Variants in POFUT3 observed in about 807,000 individuals in gnomAD.
The protein encoded by POFUT3 is protein O-fucosyltransferase 3.
the POFUT3 span, among the ~76,000 whole-genome samples, chr8:33,459,887 C>T: frequency 6.6e-6 from 1 of 152,092 alleles, no homozygotes; most frequent in African/African-American, 2.4e-5. Flanking sequence ...GGTGAAACCC[C>T]GTCTCCACAA....
chr8:33,358,596 A>G, the POFUT3 span, among the ~76,000 whole-genome samples: 1 of 152,192 alleles, frequency 6.6e-6, no homozygotes, highest in Non-Finnish European at 1.5e-5. Flanking sequence ...TTGCCCTCCA[A>G]AATTCATGTT....
chr8:33,420,537 A>G, the POFUT3 span, among the ~76,000 whole-genome samples: 4 of 152,228 alleles, frequency 2.6e-5, no homozygotes, highest in Non-Finnish European at 5.9e-5. Flanking sequence ...GCCAAAATGA[A>G]AAGTTTCAAT....
At chr8:33,331,022 T>C in the POFUT3 span, among the ~76,000 whole-genome samples, 1 of 152,072 alleles carries the variant, frequency 6.6e-6, no homozygotes, top group East Asian at 1.9e-4. Flanking sequence ...ATAACAAATA[T>C]TTATTCAATT....
At chr8:33,318,910 TATTTATATAATA>T in the POFUT3 span, among the ~76,000 whole-genome samples, 5 of 47,668 alleles carry the variant, frequency 1.0e-4, 1 homozygote, top group Admixed American at 3.6e-4. Flanking sequence ...ATTTTACATA[TATTTATATAATA>T]CATAAATATA....
chr8:33,312,337 T>A, the POFUT3 span, among the ~76,000 whole-genome samples: 1 of 151,306 alleles, frequency 6.6e-6, no homozygotes, highest in Non-Finnish European at 1.5e-5. Context: ...TGCCATGTGA[T>A]GACAGAGGCA....
the POFUT3 span, among the ~76,000 whole-genome samples, chr8:33,471,971 T>G: frequency 6.6e-6 from 1 of 152,176 alleles, no homozygotes; most frequent in Non-Finnish European, 1.5e-5. Flanking sequence ...GCAGTGAAAC[T>G]TCAGCGTTCA....
chr8:33,408,141 T>C, the POFUT3 span, among the ~76,000 whole-genome samples: 2 of 136,006 alleles, frequency 1.5e-5, no homozygotes, highest in African/African-American at 2.7e-5. Flanking sequence ...CTGGGCAATA[T>C]AGCAAGACTC....
At chr8:33,465,771 C>T in the POFUT3 span, among the ~76,000 whole-genome samples, 31 of 152,192 alleles carry the variant, frequency 2.0e-4, no homozygotes, top group East Asian at 5.6e-3. Context: ...CCACTGCACC[C>T]GGCCACAGGA....
the POFUT3 span, among the ~76,000 whole-genome samples, chr8:33,347,602 T>C: frequency 6.6e-6 from 1 of 152,238 alleles, no homozygotes; most frequent in Admixed American, 6.5e-5. Context: ...AACCATGAAC[T>C]GGCAATAGAA....
chr8:33,326,177 T>A, the POFUT3 span, among the ~76,000 whole-genome samples: 2 of 152,118 alleles, frequency 1.3e-5, no homozygotes, highest in Non-Finnish European at 2.9e-5. Context: ...CTCCAGAGGG[T>A]CTTTCATCCT....
the POFUT3 span, among the ~76,000 whole-genome samples, chr8:33,400,563 G>T: frequency 6.6e-6 from 1 of 152,032 alleles, no homozygotes; most frequent in African/African-American, 2.4e-5. Flanking sequence ...GGGAGGGAAA[G>T]TATATCCAAT....
chr8:33,450,711 C>A, the POFUT3 span, among the ~76,000 whole-genome samples: 1 of 152,130 alleles, frequency 6.6e-6, no homozygotes. Context: ...TAGTTTTGGG[C>A]ACTGGAGAGT....
chr8:33,355,978 A>G, the POFUT3 span, among the ~76,000 whole-genome samples: 2 of 152,288 alleles, frequency 1.3e-5, no homozygotes, highest in Middle Eastern at 3.4e-3. Flanking sequence ...AATTTCATCC[A>G]TGTCCCTATA....
chr8:33,395,347 G>A, the POFUT3 span, among the ~76,000 whole-genome samples: 1 of 152,122 alleles, frequency 6.6e-6, no homozygotes, highest in African/African-American at 2.4e-5. Context: ...CAGAAGAGAA[G>A]GAGCATCTGA....
the POFUT3 span, chr8:33,460,651 C>A: frequency 3.6e-6 from 3 of 837,752 alleles, no homozygotes; most frequent in South Asian, 5.5e-5. Context: ...CCCAGGAAGA[C>A]AGACTGAGCT....
the POFUT3 span, among the ~76,000 whole-genome samples, chr8:33,382,219 G>A: frequency 1.3e-5 from 2 of 150,044 alleles, no homozygotes; most frequent in African/African-American, 4.9e-5. Context: ...TCAAGCCTCG[G>A]AGCTGGAGGT....
At chr8:33,429,653 A>C in the POFUT3 span, among the ~76,000 whole-genome samples, 1 of 151,366 alleles carries the variant, frequency 6.6e-6, no homozygotes, top group African/African-American at 2.4e-5. Flanking sequence ...AGGAGGTACG[A>C]GTGCATGCAA....
chr8:33,409,283 A>G, the POFUT3 span, among the ~76,000 whole-genome samples: 8 of 151,926 alleles, frequency 5.3e-5, no homozygotes, highest in African/African-American at 1.9e-4. Flanking sequence ...TTGTATTTTT[A>G]GTGGAGACGG....
At chr8:33,357,557 T>C in the POFUT3 span, among the ~76,000 whole-genome samples, 1 of 151,758 alleles carries the variant, frequency 6.6e-6, no homozygotes, top group African/African-American at 2.4e-5. Flanking sequence ...TATATATACA[T>C]ATATATGTGT....
Sources: allele counts gnomAD v4.1 joint callset (sites outside exome capture counted in the v4.1 genomes callset), GRCh38; gene constraint gnomAD v4.1.1; transcripts MANE v1.5; gene names NCBI Gene and HGNC (gene_info 2026-07-23, HGNC 2026-07-21).